PDP1: variants seen among roughly 807,000 people sequenced by gnomAD.
PDP1 encodes pyruvate dehydrogenase phosphatase catalytic subunit 1.
In PDP1, 14 loss-of-function variants were observed where a neutral mutation model predicts 37.1. The ratio of observed to expected loss-of-function variants is 0.38; its 90% confidence interval spans 0.25 to 0.59. PDP1 has a LOEUF of 0.59. Ranked by LOEUF, PDP1 falls within the 20% of genes least tolerant of loss-of-function variation. The pLI is 0.67. For missense variants in PDP1, 544 were observed against 655.3 expected, an observed-to-expected ratio of 0.83 and a Z score of 1.85; for synonymous variants, 251 against 243.3, an observed-to-expected ratio of 1.03 and a Z score of -0.29.
intron 1 of PDP1, among the ~76,000 whole-genome samples, chr8:93,917,418 T>A (rs974112006): frequency 1.3e-4 from 19 of 151,762 alleles, no homozygotes; most frequent in African/African-American, 3.6e-4. Flanking sequence ...TGCCTGAGGG[T>A]CTCCCTGACG....
In PDP1 at chr8:93,924,948, A is replaced by G. The variant is rs1027308059; in HGVS notation, c.*1275A>G. 3.4e-4 allele frequency: 56 copies of G among 167,038 alleles called. 1 individual carries two copies. The highest frequency in any genetic ancestry group is 1.3e-3 in the African/African-American group (53 of 41,466). 10.3% of individuals were successfully genotyped at this position (167,038 alleles called of 1,614,324 possible). A position where few individuals can be genotyped will look rare whatever the true frequency, so the allele number is the denominator to read the frequency against. ...ATGTAAATGAAATAAATATATTCAA[A>G]TTGGCTTTTTGATATGCATCAAGTG... On this transcript the variant is annotated 3_prime_UTR_variant, in exon 2 of 2. Transcript: ENST00000297598.
rs1253661559 is a variant in PDP1, at chr8:93,924,118, C to T, written c.*445C>T. On this transcript the variant is annotated 3_prime_UTR_variant, in exon 2 of 2. Coordinates refer to ENST00000297598, the MANE Select transcript of PDP1 (RefSeq NM_018444.4). ...TATTTATTGCATGATTTTCTAGATA[C>T]ACAGTCTATGCATTATTCATATACA... 1 of 197,354 alleles carries T rather than the reference C, an allele frequency of 5.1e-6. No individual in the cohort carries two copies. The highest frequency in any genetic ancestry group is 2.4e-5 in the African/African-American group (1 of 42,246). The allele number at this position is 197,354 out of a possible 1,614,324, so 12.2% of individuals were successfully genotyped here. A position where few individuals can be genotyped will look rare whatever the true frequency, so the allele number is the denominator to read the frequency against.
Position 93,922,379 on chromosome 8 carries a change from G to T in PDP1, c.320G>T (p.Ser107Ile), listed in dbSNP as rs1460873710. Residue 107 changes from serine (S) to isoleucine (I), a missense_variant, in exon 2 of 2, where the codon AGT becomes ATT. By Grantham distance (142) the Ser-to-Ile change is moderately radical. Transcript: ENST00000297598. The surrounding 1 kb of genome is among the most constrained non-coding windows in gnomAD (Gnocchi z 4.0). ...KVPEFDGKNVSSILGFDSNQL... is the reference protein window; with the variant it reads ...KVPEFDGKNVISILGFDSNQL... ...CCAGAATTTGACGGCAAAAATGTCAGTTCTATCCTTGGATTTGACAGCAAT... is the reference window on the plus strand; with the variant it reads ...CCAGAATTTGACGGCAAAAATGTCATTTCTATCCTTGGATTTGACAGCAAT... 1 of 1,614,222 alleles carries T rather than the reference G, an allele frequency of 6.2e-7. No homozygotes were observed. The highest frequency in any genetic ancestry group is 8.5e-7 in the Non-Finnish European group (1 of 1,180,030).
At chr8:93,917,522 CCGGGCAGGGCGGGG>C (rs1053986016) in intron 1 of PDP1, among the ~76,000 whole-genome samples, 2 of 151,634 alleles carry the variant, frequency 1.3e-5, no homozygotes, top group African/African-American at 4.8e-5. Flanking sequence ...CGGGGCCGGG[CCGGGCAGGGCGGGG>C]CGGGCAGCGG....
Position 93,922,184 on chromosome 8 carries a change from G to A in PDP1, c.125G>A (p.Ser42Asn). The change falls in exon 2 of 2, where the codon AGT becomes AAT. Residue 42 changes from serine to asparagine, a missense_variant. By Grantham distance (46) the Ser-to-Asn change is conservative. Around this residue, in one of 5 missense-constraint regions of PDP1, gnomAD observed 342 missense variants for 414.0 expected, o/e 0.83. Coordinates refer to ENST00000297598, the MANE Select transcript of PDP1 (RefSeq NM_018444.4). The surrounding 1 kb of genome is among the most constrained non-coding windows in gnomAD (Gnocchi z 4.0). Reference protein sequence around the residue: ...LCCSSSYIPQSRLRYTPHPAY... With the variant: ...LCCSSSYIPQNRLRYTPHPAY... ...TGTTCCTCATCGTACATTCCTCAGA[G>A]TCGACTGAGATACACACCTCATCCA... The A allele has an allele frequency of 1.2e-6, 2 of 1,614,180 alleles. No homozygotes were observed. Among genetic ancestry groups the A allele is most frequent in the Non-Finnish European group, 8.5e-7 (1 of 1,180,030 alleles).
At chr8:93,920,826 G>A (rs1810247182) in intron 1 of PDP1, 2 of 687,848 alleles carry the variant, frequency 2.9e-6, no homozygotes, top group South Asian at 1.3e-4. Context: ...GGGGTACAAT[G>A]TGATGTTTCA....
chr8:93,922,079 T>A lies in PDP1; in HGVS notation c.20T>A (p.Leu7Gln), dbSNP rs763841975. 6.2e-7 allele frequency: 1 copy of A among 1,612,370 alleles called. No individual in the cohort carries two copies. Among genetic ancestry groups the A allele is most frequent in the South Asian group, 1.1e-5 (1 of 90,934 alleles). ...GATGCCATGCCAGCACCAACTCAAC[T>A]GTTTTTTCCTCTCATCCGTAACTGT... MPAPTQ[L>Q]FFPLIRNCEL... Residue 7 changes from leucine (L) to glutamine (Q), a missense_variant, in exon 2 of 2, where the codon CTG becomes CAG. This residue lies in a region of PDP1 where 342 missense variants were observed against 414.0 expected (regional missense o/e 0.83). Coordinates refer to ENST00000297598, the MANE Select transcript of PDP1 (RefSeq NM_018444.4). The surrounding 1 kb of genome is among the most constrained non-coding windows in gnomAD (Gnocchi z 4.0).
At chr8:93,917,210 G>A in intron 1 of PDP1, 131 bp downstream of exon 1, 1 of 210,950 alleles carries the variant, frequency 4.7e-6, no homozygotes, top group South Asian at 5.4e-5. Context: ...ACGAGCCCTG[G>A]AGCGCCAGGT....
At position 93,922,509 on chromosome 8, in the gene PDP1, T is replaced by C; in HGVS notation, c.450T>C (p.Ala150=). 1 of 1,614,082 alleles carries C rather than the reference T, an allele frequency of 6.2e-7. No homozygotes were observed. Among genetic ancestry groups the C allele is most frequent in the Non-Finnish European group, 8.5e-7 (1 of 1,180,044 alleles). ...LGVFDGHAGC[A]CSQAVSERLF... ...TTTTTGATGGCCATGCAGGTTGTGC[T>C]TGTTCCCAGGCAGTCAGTGAAAGAC... Residue 150 remains alanine, a synonymous_variant, in exon 2 of 2, where the codon GCT becomes GCC. Coordinates refer to ENST00000297598, the MANE Select transcript of PDP1 (RefSeq NM_018444.4). The surrounding 1 kb of genome is among the most constrained non-coding windows in gnomAD (Gnocchi z 4.0).
chr8:93,922,207 C>G lies in PDP1; in HGVS notation c.148C>G (p.Pro50Ala). Residue 50 changes from proline to alanine, a missense_variant, in exon 2 of 2, where the codon CCA becomes GCA. Pro to Ala is a conservative substitution (Grantham distance 27). Around this residue, in one of 5 missense-constraint regions of PDP1, gnomAD observed 342 missense variants for 414.0 expected, o/e 0.83. Transcript: ENST00000297598. This position sits in a 1 kb window ranked among gnomAD's most constrained non-coding sequence, Gnocchi z 4.0. ...PQSRLRYTPH[P>A]AYATFCRPKE... ...GAGTCGACTGAGATACACACCTCAT[C>G]CAGCATATGCTACCTTTTGCAGGCC... 7 of 1,614,206 alleles carry G rather than the reference C, an allele frequency of 4.3e-6. No individual in the cohort carries two copies. The highest frequency in any genetic ancestry group is 5.9e-6 in the Non-Finnish European group (7 of 1,180,024).
In PDP1 at chr8:93,925,758, C is replaced by G. The variant is rs1810414648; in HGVS notation, c.*2085C>G. 1 of 167,082 alleles carries G rather than the reference C, an allele frequency of 6.0e-6. No homozygotes were observed. Among genetic ancestry groups the G allele is most frequent in the African/African-American group, 2.4e-5 (1 of 41,466 alleles). 10.3% of individuals were successfully genotyped at this position (167,082 alleles called of 1,614,324 possible). ...TTGTGATTTTATTGTAATTGGTTGT[C>G]ACTGTTGTACGGTGTCTAGAATTAA... On this transcript the variant is annotated 3_prime_UTR_variant, in exon 2 of 2. Coordinates refer to ENST00000297598, the MANE Select transcript of PDP1 (RefSeq NM_018444.4).
intron 1 of PDP1, among the ~76,000 whole-genome samples, chr8:93,918,422 G>A (rs1300306264): frequency 2.0e-5 from 3 of 152,320 alleles, no homozygotes; most frequent in African/African-American, 7.2e-5. Context: ...TGGTCCGTGG[G>A]TCTATTGATG....
At chr8:93,917,803 G>C in intron 1 of PDP1, 1 of 1,449,090 alleles carries the variant, frequency 6.9e-7, no homozygotes, top group Non-Finnish European at 9.3e-7. Flanking sequence ...CCCCGCCGCC[G>C]CCTCCTCTAA....
At position 93,924,486 on chromosome 8, in the gene PDP1, C is replaced by T. The variant is rs867889115; in HGVS notation, c.*813C>T. On this transcript the variant is annotated 3_prime_UTR_variant, in exon 2 of 2. Coordinates refer to ENST00000297598, the MANE Select transcript of PDP1 (RefSeq NM_018444.4). ...TCTCTTCAATTATTGTCATCTGTAG[C>T]CACCAGCACATCACTCTTATGTAAT... 5 of 167,006 alleles carry T rather than the reference C, an allele frequency of 3.0e-5. No homozygotes were observed. The highest frequency in any genetic ancestry group is 7.3e-5 in the Non-Finnish European group (5 of 68,104). 10.3% of individuals were successfully genotyped at this position (167,006 alleles called of 1,614,324 possible).
In PDP1 at chr8:93,922,600, G is replaced by C. The variant is rs773995220; in HGVS notation, c.541G>C (p.Glu181Gln). 1.2e-6 allele frequency: 2 copies of C among 1,614,092 alleles called. No homozygotes were observed. Among genetic ancestry groups the C allele is most frequent in the South Asian group, 2.2e-5 (2 of 91,082 alleles). ...TTTGCTAGAGATTGAAAATGCAGTG[G>C]AGAGCGGCCGGGCACTGCTACCCAT... ...ETLLEIENAVESGRALLPILQ... is the reference protein window; with the variant it reads ...ETLLEIENAVQSGRALLPILQ... The change falls in exon 2 of 2, where the codon GAG becomes CAG. Residue 181 changes from glutamate (E) to glutamine (Q), a missense_variant. This residue lies in a region of PDP1 where 342 missense variants were observed against 414.0 expected (regional missense o/e 0.83). Transcript: ENST00000297598. The surrounding 1 kb of genome is among the most constrained non-coding windows in gnomAD (Gnocchi z 4.0).
Position 93,922,464 on chromosome 8 carries a change from C to T in PDP1, c.405C>T (p.Thr135=), listed in dbSNP as rs376531662. 4.3e-6 allele frequency: 7 copies of T among 1,614,198 alleles called. No homozygotes were observed. In the Admixed American group the frequency reaches 1.2e-4, roughly 27 times the overall value. The change falls in exon 2 of 2, where the codon ACC becomes ACT. Residue 135 remains threonine, a synonymous_variant. Transcript: ENST00000297598. The surrounding 1 kb of genome is among the most constrained non-coding windows in gnomAD (Gnocchi z 4.0). The stretch of plus-strand genomic sequence containing the variant: ...GAAGTGCAGCAACCTGCTTGCAGAC[C>T]AGAGGGATGCTTTTGGGGGTTTTTG... The part of the protein sequence containing the change: ...DRRSAATCLQ[T]RGMLLGVFDG...
At chr8:93,918,902 C>G (rs895347641) in intron 1 of PDP1, 1 of 152,194 alleles carries the variant, frequency 6.6e-6, no homozygotes, top group Non-Finnish European at 1.5e-5. Flanking sequence ...TCACTTGTAC[C>G]GATGCGGATA....
At position 93,923,379 on chromosome 8, in the gene PDP1, G is replaced by A; in HGVS notation, c.1320G>A (p.Met440Ile). The change falls in exon 2 of 2, where the codon ATG becomes ATA. Residue 440 changes from methionine (M) to isoleucine (I), a missense_variant. By Grantham distance (10) the Met-to-Ile change is conservative. Around this residue, in one of 5 missense-constraint regions of PDP1, gnomAD observed 159 missense variants for 165.5 expected, o/e 0.96. Coordinates refer to ENST00000297598, the MANE Select transcript of PDP1 (RefSeq NM_018444.4). The surrounding 1 kb of genome is among the most constrained non-coding windows in gnomAD (Gnocchi z 4.3). ...VRIVGEYLTGMHHQQPIAVGG... is the reference protein window; with the variant it reads ...VRIVGEYLTGIHHQQPIAVGG... ...TTGTGGGTGAGTACCTAACTGGCAT[G>A]CATCACCAACAGCCAATAGCTGTTG... 1 of 1,612,042 alleles carries A rather than the reference G, an allele frequency of 6.2e-7. No individual in the cohort carries two copies. Among genetic ancestry groups the A allele is most frequent in the Non-Finnish European group, 8.5e-7 (1 of 1,178,432 alleles).
rs1810360951 is a variant in PDP1, at chr8:93,923,741, C to G, written c.*68C>G. The G allele has an allele frequency of 4.9e-6, 6 of 1,226,360 alleles. No homozygotes were observed. The highest frequency in any genetic ancestry group is 4.8e-5 in the South Asian group (4 of 82,476). The allele number at this position is 1,226,360 out of a possible 1,614,324, so 76.0% of individuals were successfully genotyped here. A position where few individuals can be genotyped will look rare whatever the true frequency, so the allele number is the denominator to read the frequency against. ...AAAGGGCAGATTTTTTAAAAAGATA[C>G]TACTATAATAAACATTTCCAGTTGG... On this transcript the variant is annotated 3_prime_UTR_variant, in exon 2 of 2. Transcript: ENST00000297598. This position sits in a 1 kb window ranked among gnomAD's most constrained non-coding sequence, Gnocchi z 4.3.
Sources: gnomAD v4.1 joint callset for allele counts (sites outside exome capture counted in the v4.1 genomes callset) on GRCh38, gnomAD v4.1.1 for gene constraint, gnomAD v4.1.1 regional missense constraint, Gnocchi (gnomAD v3.1) non-coding constraint, MANE v1.5 for transcripts, NCBI Gene and HGNC (gene_info 2026-07-23, HGNC 2026-07-21) for gene names.